The following TMPRSS11A variants were observed in gnomAD, a reference collection of about 807,000 sequenced individuals.
TMPRSS11A encodes transmembrane serine protease 11A.
TMPRSS11A carries 53 observed loss-of-function variants against 58.9 expected under a neutral mutation model. The ratio of observed to expected loss-of-function variants is 0.90; its 90% CI spans 0.72 to 1.13. TMPRSS11A has a LOEUF of 1.13. TMPRSS11A is among the 50% of genes most tolerant of loss of function. The probability of loss-of-function intolerance (pLI) is 0.00; values close to 1 mark genes in which losing one functional copy is unlikely to be tolerated. For synonymous variants in TMPRSS11A, 167 were observed against 169.8 expected (o/e 0.98, Z 0.13); for missense variants, 493 against 499.3 (o/e 0.99, Z 0.12).
chr4:67,938,265 G>C (rs1425745110), intron 3 of TMPRSS11A, among the ~76,000 whole-genome samples: 2 of 151,938 alleles, frequency 1.3e-5, no homozygotes, highest in Non-Finnish European at 2.9e-5. Flanking sequence ...GGTTTCTTTT[G>C]CTTGTTGAGT....
At chr4:67,927,277 C>G (rs1720499457) in intron 5 of TMPRSS11A, among the ~76,000 whole-genome samples, 1 of 152,216 alleles carries the variant, frequency 6.6e-6, no homozygotes. Flanking sequence ...GATCCCAGAC[C>G]TGGGAGCTCC....
At chr4:67,925,687 A>G (rs1407473466) in intron 5 of TMPRSS11A, among the ~76,000 whole-genome samples, 1 of 152,220 alleles carries the variant, frequency 6.6e-6, no homozygotes, top group Admixed American at 6.5e-5. Context: ...ATGTAGTTTA[A>G]GGCAGTAAAT....
At position 67,940,464 on chromosome 4, in the gene TMPRSS11A, C is replaced by G. The variant is rs145278964; in HGVS notation, c.252+4055G>C. ...GGTTTCAATTTCTTTCTGATTCAAT[C>G]TTGGAAGATTGTGTTTTTCCAGGAA... is the stretch of plus-strand genomic sequence containing the variant. On this transcript the variant is annotated intron_variant, in intron 3 of 9. Coordinates refer to ENST00000508048, the MANE Select transcript of TMPRSS11A (RefSeq NM_001114387.2). Among the ~76,000 whole-genome samples, 53 of 152,120 alleles carry G rather than the reference C, an allele frequency of 3.5e-4. No individual in the cohort carries two copies. In the East Asian group the frequency reaches 8.5e-3, roughly 24 times the overall value.
chr4:67,918,452 A>T (rs1005420900), intron 8 of TMPRSS11A, among the ~76,000 whole-genome samples: 5 of 152,250 alleles, frequency 3.3e-5, no homozygotes, highest in Non-Finnish European at 5.9e-5. Flanking sequence ...CTACATAGGC[A>T]TAAAGAATAT....
rs186746689 is a variant in TMPRSS11A at position 67,959,870 on chromosome 4, A to G, written c.11+3513T>C. Among the ~76,000 whole-genome samples, 4 of 152,332 alleles carry G rather than the reference A, an allele frequency of 2.6e-5. No individual in the cohort carries two copies. In the East Asian group the frequency reaches 7.7e-4, roughly 29 times the overall value. On this transcript the variant is annotated intron_variant, in intron 1 of 9. Coordinates refer to ENST00000508048, the MANE Select transcript of TMPRSS11A (RefSeq NM_001114387.2). Reference sequence around the variant, plus strand: ...TTATACCAAAAAGATACATGCACTCATGTTTATTGCTGTGCTATTCACAAT... The same window carrying G: ...TTATACCAAAAAGATACATGCACTCGTGTTTATTGCTGTGCTATTCACAAT...
intron 3 of TMPRSS11A, among the ~76,000 whole-genome samples, chr4:67,943,830 T>A (rs1279678520): frequency 6.6e-6 from 1 of 152,188 alleles, no homozygotes; most frequent in Non-Finnish European, 1.5e-5. Context: ...GGTTCTTTGA[T>A]TAAAACAAAC....
At chr4:67,915,708 G>A (rs985313978) in intron 8 of TMPRSS11A, among the ~76,000 whole-genome samples, 2 of 152,170 alleles carry the variant, frequency 1.3e-5, no homozygotes, top group African/African-American at 2.4e-5. Flanking sequence ...GCATTCTACA[G>A]CTGCGAGTAA....
In TMPRSS11A at chr4:67,919,245, A is replaced by G. The variant is rs1181378432; in HGVS notation, c.693-13T>C. On this transcript the variant is annotated splice_polypyrimidine_tract_variant and intron_variant, in intron 7 of 9. Transcript: ENST00000508048. ...TGGATTTTTATACCTGGAAAAGGTT[A>G]GAAATTAACAGAATATATATAAGCT... The G allele has an allele frequency of 6.2e-7, 1 of 1,611,672 alleles. No homozygotes were observed. The highest frequency in any genetic ancestry group is 1.1e-5 in the South Asian group (1 of 90,886).
chr4:67,946,421 A>G, intron 2 of TMPRSS11A, 29 bp downstream of exon 2: 1 of 1,561,642 alleles, frequency 6.4e-7, no homozygotes, highest in Non-Finnish European at 8.6e-7. Flanking sequence ...AATAAAATCA[A>G]ATAGAGTGAA....
At chr4:67,941,353 G>A (rs974746060) in intron 3 of TMPRSS11A, among the ~76,000 whole-genome samples, 5 of 152,160 alleles carry the variant, frequency 3.3e-5, no homozygotes, top group African/African-American at 4.8e-5. Context: ...TGCGGGATGG[G>A]AGGAGAAAAA....
chr4:67,938,067 A>AT (rs1213494944), intron 3 of TMPRSS11A, among the ~76,000 whole-genome samples: 2 of 152,120 alleles, frequency 1.3e-5, no homozygotes, highest in East Asian at 1.9e-4. Flanking sequence ...TCAGCATGTT[A>AT]TTTTTTTAAT....
intron 1 of TMPRSS11A, among the ~76,000 whole-genome samples, chr4:67,947,353 T>G (rs948539638): frequency 6.6e-6 from 1 of 152,220 alleles, no homozygotes; most frequent in South Asian, 2.1e-4. Flanking sequence ...TTGTTTGTTA[T>G]GCCTTTTTAA....
At position 67,924,167 on chromosome 4, in the gene TMPRSS11A, C is replaced by A. The variant is rs1357796912; in HGVS notation, c.482-1G>T. On this transcript the variant is annotated splice_acceptor_variant, in intron 5 of 9. Transcript: ENST00000508048. LOFTEE classifies it high-confidence loss of function. ...AACTCCCCTGTTGATGAGCTCATTG[C>A]TGAAAAAGAAGATAAAACAAATAGT... is the stretch of plus-strand genomic sequence containing the variant. The A allele has an allele frequency of 6.8e-6, 11 of 1,612,840 alleles. No homozygotes were observed. Among genetic ancestry groups the A allele is most frequent in the Non-Finnish European group, 9.3e-6 (11 of 1,179,242 alleles).
At chr4:67,927,658 C>A (rs928858271) in intron 5 of TMPRSS11A, among the ~76,000 whole-genome samples, 1 of 152,206 alleles carries the variant, frequency 6.6e-6, no homozygotes, top group Non-Finnish European at 1.5e-5. Flanking sequence ...GCAAAGGCAC[C>A]AACCACTGGC....
chr4:67,952,308 T>A (rs1721181726), intron 1 of TMPRSS11A, among the ~76,000 whole-genome samples: 1 of 152,196 alleles, frequency 6.6e-6, no homozygotes, highest in African/African-American at 2.4e-5. Context: ...CTCTGTTATG[T>A]CAAACTGCCC....
intron 3 of TMPRSS11A, among the ~76,000 whole-genome samples, chr4:67,935,911 T>C (rs1720741250): frequency 6.6e-6 from 1 of 152,176 alleles, no homozygotes; most frequent in Admixed American, 6.6e-5. Flanking sequence ...CTGTAATAAT[T>C]ATAATAGTGG....
chr4:67,916,695 T>C (rs552434167), intron 8 of TMPRSS11A, among the ~76,000 whole-genome samples: 15 of 152,040 alleles, frequency 9.9e-5, no homozygotes, highest in Non-Finnish European at 1.6e-4. Context: ...GGCATGGTGG[T>C]GGGCGCCTGC....
intron 2 of TMPRSS11A, among the ~76,000 whole-genome samples, chr4:67,945,261 G>C (rs1201261851): frequency 2.0e-5 from 3 of 152,114 alleles, no homozygotes; most frequent in African/African-American, 7.2e-5. Flanking sequence ...AAGGAATTTG[G>C]TAATCTGAGG....
chr4:67,930,114 C>T, intron 4 of TMPRSS11A, 74 bp from the exon 5 acceptor site: 2 of 1,392,828 alleles, frequency 1.4e-6, no homozygotes, highest in Non-Finnish European at 2.0e-6. Flanking sequence ...CCTGTATCTT[C>T]CTCCCCTGAA....
Sources: allele counts gnomAD v4.1 joint callset (sites outside exome capture counted in the v4.1 genomes callset), GRCh38; gene constraint gnomAD v4.1.1; transcripts MANE v1.5; gene names NCBI Gene and HGNC (gene_info 2026-07-23, HGNC 2026-07-21).